PPP2R1B: variants seen among roughly 807,000 people sequenced by gnomAD.
The protein encoded by PPP2R1B is protein phosphatase 2 scaffold subunit Abeta.
A neutral mutation model predicts 72.7 loss-of-function variants in PPP2R1B; 58 were observed. The observed-to-expected ratio is 0.80, with a 90% CI of 0.65 to 0.99. PPP2R1B has a LOEUF of 0.99. PPP2R1B is among the 50% of genes least tolerant of loss of function. The pLI is 0.00. For synonymous variants in PPP2R1B, 256 were observed against 264.6 expected (o/e 0.97, Z 0.32); for missense variants, 695 against 733.6 (o/e 0.95, Z 0.61).
At chr11:111,766,081 G>A (rs994596634) in intron 1 of PPP2R1B, 167 bp downstream of exon 1, 3 of 670,716 alleles carry the variant, frequency 4.5e-6, no homozygotes, top group Non-Finnish European at 7.8e-6. Context: ...GGGTCGGGGC[G>A]TGTCACCACA....
intron 5 of PPP2R1B, among the ~76,000 whole-genome samples, chr11:111,755,740 C>A (rs1025502022): frequency 3.3e-5 from 5 of 152,076 alleles, no homozygotes; most frequent in Middle Eastern, 3.4e-3. Context: ...CAGGCAGGAG[C>A]CACCACGCCC....
chr11:111,739,053 G>A lies in PPP2R1B; in HGVS notation c.*2543C>T, dbSNP rs759773680. 2 of 985,336 alleles carry A rather than the reference G, an allele frequency of 2.0e-6. No individual in the cohort carries two copies. Among genetic ancestry groups the A allele is most frequent in the Non-Finnish European group, 2.4e-6 (2 of 829,932 alleles). 61.0% of individuals were successfully genotyped at this position (985,336 alleles called of 1,614,324 possible). Reference sequence around the variant, plus strand: ...AGTCTAAGCCAGGGGACCAGAAAAGGGCCACATAAAGCTTGTTTCCTGAAA... The same window carrying A: ...AGTCTAAGCCAGGGGACCAGAAAAGAGCCACATAAAGCTTGTTTCCTGAAA... On this transcript the variant is annotated 3_prime_UTR_variant, in exon 15 of 15. Coordinates refer to ENST00000527614, the MANE Select transcript of PPP2R1B (RefSeq NM_002716.5).
chr11:111,691,968 T>A, the PPP2R1B span, among the ~76,000 whole-genome samples: 38,190 of 151,952 alleles, frequency 0.25, 5,022 homozygotes, highest in Middle Eastern at 0.32. Context: ...AGACTAACTC[T>A]GTCTGGAAGA....
chr11:111,698,563 A>G, the PPP2R1B span, among the ~76,000 whole-genome samples: 1 of 152,280 alleles, frequency 6.6e-6, no homozygotes, highest in East Asian at 1.9e-4. Context: ...GAAACATGGC[A>G]AATCCCTGTC....
rs2135989713 is a variant in PPP2R1B at position 111,727,030 on chromosome 11, T to TTA, written c.1938_1939insTA (p.Thr647Ter). 1 of 1,614,162 alleles carries TTA rather than the reference T, an allele frequency of 6.2e-7. No individual in the cohort carries two copies. ...CCCAGCTGGGCAAGTGTGTCTCTAG[T>TTA]ATCTCCACGCAACTGATACACTGGT... is the stretch of plus-strand genomic sequence containing the variant. On this transcript the variant is annotated frameshift_variant, in exon 16 of 16. Transcript: ENST00000311129. LOFTEE classifies it high-confidence loss of function.
intron 13 of PPP2R1B, 158 bp from the exon 14 acceptor site, chr11:111,742,302 C>G: frequency 1.6e-6 from 1 of 606,240 alleles, no homozygotes; most frequent in South Asian, 4.8e-5. Context: ...AAGAAATTCT[C>G]AGCAAAATCA....
At chr11:111,761,350 C>T in intron 3 of PPP2R1B, 1 of 463,518 alleles carries the variant, frequency 2.2e-6, no homozygotes, top group Non-Finnish European at 4.1e-6. Flanking sequence ...TGAGTTGAAT[C>T]ACTAGGTTTA....
In PPP2R1B at chr11:111,739,447, T is replaced by A. The variant is rs1413992351; in HGVS notation, c.*2149A>T. On this transcript the variant is annotated 3_prime_UTR_variant, in exon 15 of 15. Transcript: ENST00000527614. ...GTACCAAAACAAATTCTCTCTCTAT[T>A]GCTTAAGTCAGAAGGAAACAATGAA... 1 of 985,222 alleles carries A rather than the reference T, an allele frequency of 1.0e-6. No individual in the cohort carries two copies. The highest frequency in any genetic ancestry group is 1.2e-6 in the Non-Finnish European group (1 of 829,922). 61.0% of individuals were successfully genotyped at this position (985,222 alleles called of 1,614,324 possible). A position where few individuals can be genotyped will look rare whatever the true frequency, so the allele number is the denominator to read the frequency against.
the PPP2R1B span, among the ~76,000 whole-genome samples, chr11:111,691,143 C>T: frequency 2.4e-4 from 36 of 152,254 alleles, no homozygotes; most frequent in South Asian, 4.1e-4. Flanking sequence ...ATAAAATATA[C>T]GTGGGTCAAA....
chr11:111,710,107 G>A, the PPP2R1B span, among the ~76,000 whole-genome samples: 1 of 152,158 alleles, frequency 6.6e-6, no homozygotes, highest in Non-Finnish European at 1.5e-5. Context: ...TGATTGAAAA[G>A]CTATTGATGG....
chr11:111,742,374 C>G lies in PPP2R1B; in HGVS notation c.1697+149G>C, dbSNP rs1462219267. 3.2e-6 allele frequency: 3 copies of G among 947,464 alleles called. No homozygotes were observed. In the African/African-American group the frequency reaches 5.0e-5, roughly 16 times the overall value. 58.7% of individuals were successfully genotyped at this position (947,464 alleles called of 1,614,324 possible). A position where few individuals can be genotyped will look rare whatever the true frequency, so the allele number is the denominator to read the frequency against. ...ATATAAAAGTCATAGTGGACATCCT[C>G]AAAAATAGTTGCTAAATTATTTTCT... On this transcript the variant is annotated intron_variant, in intron 13 of 14. Transcript: ENST00000527614.
chr11:111,753,541 C>T lies in PPP2R1B; in HGVS notation c.1066G>A (p.Ala356Thr), dbSNP rs782578400. The T allele has an allele frequency of 1.2e-6, 2 of 1,612,588 alleles. No individual in the cohort carries two copies. Among genetic ancestry groups the T allele is most frequent in the African/African-American group, 2.7e-5 (2 of 74,862 alleles). ...AATCCCATAATTACAGAAGCTAGAG[C>T]CGATTTGACATGTTGATTGGTATCG... ...VSDTNQHVKSALASVIMGLST... is the reference protein window; with the variant it reads ...VSDTNQHVKSTLASVIMGLST... The change falls in exon 9 of 15, where the codon GCT (alanine) becomes ACT (threonine). Residue 356 changes from alanine to threonine, a missense_variant. By Grantham distance (58) the Ala-to-Thr change is moderately conservative. Transcript: ENST00000527614.
chr11:111,751,552 T>A (rs1944907551), intron 10 of PPP2R1B, among the ~76,000 whole-genome samples: 1 of 152,246 alleles, frequency 6.6e-6, no homozygotes, highest in Non-Finnish European at 1.5e-5. Flanking sequence ...CTTTGCATTT[T>A]TGAATTTGGG....
intron 9 of PPP2R1B, 99 bp from the exon 10 acceptor site, chr11:111,752,431 G>C: frequency 8.4e-7 from 1 of 1,193,546 alleles, no homozygotes; most frequent in Non-Finnish European, 1.1e-6. Flanking sequence ...TAAGACTCAG[G>C]TGAAAAAAAA....
chr11:111,764,518 C>A (rs368356531), intron 3 of PPP2R1B, among the ~76,000 whole-genome samples: 3 of 152,054 alleles, frequency 2.0e-5, no homozygotes, highest in Non-Finnish European at 2.9e-5. Context: ...CTTCCACCAT[C>A]GCGCGGGGGA....
the PPP2R1B span, chr11:111,719,818 G>A: frequency 1.8e-5 from 29 of 1,613,924 alleles, no homozygotes; most frequent in South Asian, 5.5e-5. Flanking sequence ...GTCCTGGTGC[G>A]GAAGGGATGC....
intron 10 of PPP2R1B, among the ~76,000 whole-genome samples, chr11:111,751,299 C>T (rs907734001): frequency 3.3e-5 from 5 of 152,132 alleles, no homozygotes; most frequent in African/African-American, 1.2e-4. Flanking sequence ...AATCCCTTTT[C>T]TTCTCAGTTA....
At chr11:111,751,344 T>C (rs1173857781) in intron 10 of PPP2R1B, among the ~76,000 whole-genome samples, 1 of 152,200 alleles carries the variant, frequency 6.6e-6, no homozygotes, top group Non-Finnish European at 1.5e-5. Context: ...TTAAATATTA[T>C]AAAATTTACA....
Position 111,755,066 on chromosome 11 carries a change from G to T in PPP2R1B, c.872C>A (p.Thr291Asn). The change falls in exon 7 of 15, where the codon ACC becomes AAC. Residue 291 changes from threonine (T) to asparagine (N), a missense_variant. By Grantham distance (65) the Thr-to-Asn change is moderately conservative. Coordinates refer to ENST00000527614, the MANE Select transcript of PPP2R1B (RefSeq NM_002716.5). Reference sequence around the variant, plus strand: ...AAAGGCGGGGATGAGGTCATTTAGGGTGATTTTAGGACCCATGGCTTTCTG... The same window carrying T: ...AAAGGCGGGGATGAGGTCATTTAGGTTGATTTTAGGACCCATGGCTTTCTG... Reference protein sequence around the residue: ...ELQKAMGPKITLNDLIPAFQN... With the variant: ...ELQKAMGPKINLNDLIPAFQN... 6.2e-7 allele frequency: 1 copy of T among 1,613,710 alleles called. No individual in the cohort carries two copies. Among genetic ancestry groups the T allele is most frequent in the South Asian group, 1.1e-5 (1 of 91,066 alleles).
Sources: gnomAD v4.1 joint callset for allele counts (sites outside exome capture counted in the v4.1 genomes callset) on GRCh38, gnomAD v4.1.1 for gene constraint, MANE v1.5 for transcripts, NCBI Gene and HGNC (gene_info 2026-07-23, HGNC 2026-07-21) for gene names.